UGT1A7: variants seen among roughly 807,000 people sequenced by gnomAD.
The protein encoded by UGT1A7 is UDP glucuronosyltransferase family 1 member A7.
UGT1A7 carries 33 observed loss-of-function variants against 45.6 expected under a neutral mutation model. The ratio of observed to expected loss-of-function variants is 0.72; its 90% CI spans 0.55 to 0.97. The LOEUF (loss-of-function observed/expected upper bound fraction) is 0.97, where lower values mean the gene tolerates loss of function less well. Ranked by LOEUF, UGT1A7 falls within the 50% of genes least tolerant of loss-of-function variation. The pLI is 0.00. For missense variants in UGT1A7, 684 were observed against 666.2 expected (o/e 1.03, Z -0.29); for synonymous variants, 274 against 250.6 (o/e 1.09, Z -0.88).
chr2:233,720,530 C>T (rs753695655), intron 1 of UGT1A7, among the ~76,000 whole-genome samples: 4 of 152,090 alleles, frequency 2.6e-5, no homozygotes, highest in Non-Finnish European at 5.9e-5. Context: ...TCACCAAACT[C>T]ACCCTATCCC....
chr2:233,682,586 C>A lies in UGT1A7; in HGVS notation c.649C>A (p.His217Asn). The A allele has an allele frequency of 1.9e-6, 3 of 1,613,922 alleles. No individual in the cohort carries two copies. The highest frequency in any genetic ancestry group is 2.5e-6 in the Non-Finnish European group (3 of 1,179,838). ...GAACCACATCATGCACTTGGAGGAACATTTATTTTGCCCCTATTTTTTCAA... is the reference window on the plus strand; with the variant it reads ...GAACCACATCATGCACTTGGAGGAAAATTTATTTTGCCCCTATTTTTTCAA... Reference protein sequence around the residue: ...VWNHIMHLEEHLFCPYFFKNV... With the variant: ...VWNHIMHLEENLFCPYFFKNV... Residue 217 changes from histidine (H) to asparagine (N), a missense_variant, in exon 1 of 5, where the codon CAT becomes AAT. Coordinates refer to ENST00000373426, the MANE Select transcript of UGT1A7 (RefSeq NM_019077.3).
intron 1 of UGT1A7, among the ~76,000 whole-genome samples, chr2:233,725,055 CGCGCGCCT>C (rs1021966862): frequency 1.4e-5 from 2 of 147,410 alleles, no homozygotes; most frequent in African/African-American, 5.1e-5. Flanking sequence ...GGCGTGGCGG[CGCGCGCCT>C]GCAATCGCAG....
intron 1 of UGT1A7, chr2:233,721,896 G>A (rs1237120239): frequency 1.5e-5 from 7 of 474,202 alleles, no homozygotes; most frequent in South Asian, 3.1e-5. Context: ...TTGCAATATC[G>A]AAATGGTGCA....
In UGT1A7 at chr2:233,748,516, C is replaced by T. The variant is rs60390282; in HGVS notation, c.856-18518C>T. On this transcript the variant is annotated intron_variant, in intron 1 of 4. Transcript: ENST00000373426. ...GATAATTTTTAGTGGTCCTGTCTTGCGAATGATAGAGAGGTGACCACAGGA... is the reference window on the plus strand; with the variant it reads ...GATAATTTTTAGTGGTCCTGTCTTGTGAATGATAGAGAGGTGACCACAGGA... Among the ~76,000 whole-genome samples, 169 of 151,786 alleles carry T rather than the reference C, an allele frequency of 1.1e-3. 1 individual carries two copies. Among genetic ancestry groups the T allele is most frequent in the African/African-American group, 4.1e-3 (168 of 41,150 alleles).
intron 1 of UGT1A7, chr2:233,729,645 G>T (rs752981175): frequency 8.7e-6 from 14 of 1,613,504 alleles, no homozygotes; most frequent in Non-Finnish European, 1.2e-5. Flanking sequence ...TGTTTTTTTT[G>T]AGGAACATTC....
intron 1 of UGT1A7, among the ~76,000 whole-genome samples, chr2:233,761,780 C>T (rs762414530): frequency 3.3e-5 from 5 of 152,172 alleles, no homozygotes; most frequent in African/African-American, 9.7e-5. Flanking sequence ...ACATCCTCAT[C>T]GAAATCTCAG....
intron 1 of UGT1A7, chr2:233,747,278 C>T (rs925407656): frequency 6.3e-6 from 10 of 1,599,168 alleles, no homozygotes; most frequent in Non-Finnish European, 8.5e-6. Flanking sequence ...CTTCTCAGTG[C>T]CCAGCCCTGG....
At chr2:233,726,820 G>A (rs956550712) in intron 1 of UGT1A7, among the ~76,000 whole-genome samples, 1 of 151,954 alleles carries the variant, frequency 6.6e-6, no homozygotes, top group African/African-American at 2.4e-5. Flanking sequence ...TCCTCTATTC[G>A]ACCATTTAAA....
chr2:233,768,435 A>G lies in UGT1A7; in HGVS notation c.1291A>G (p.Lys431Glu), dbSNP rs1699610425. Residue 431 changes from lysine to glutamate, a missense_variant, in exon 4 of 5, where the codon AAA becomes GAA. Physicochemically the swap from Lys to Glu is moderately conservative, Grantham distance 56. Transcript: ENST00000373426. ...ENALKAVINDKSYKENIMRLS... is the reference protein window; with the variant it reads ...ENALKAVINDESYKENIMRLS... ...TGCTCTAAAAGCAGTCATCAATGAC[A>G]AAAGGTAAGAAAGAAGATACAGAAG... 1.2e-6 allele frequency: 2 copies of G among 1,613,666 alleles called. No individual in the cohort carries two copies. The highest frequency in any genetic ancestry group is 1.7e-6 in the Non-Finnish European group (2 of 1,179,762).
At chr2:233,721,843 C>A (rs2076975309) in intron 1 of UGT1A7, 2 of 515,272 alleles carry the variant, frequency 3.9e-6, no homozygotes, top group Non-Finnish European at 3.9e-6. Context: ...ACCTTGTGTC[C>A]AGCCCCACTG....
At position 233,718,085 on chromosome 2, in the gene UGT1A7, C is replaced by A. The variant is rs557969051; in HGVS notation, c.855+35293C>A. The A allele has an allele frequency of 1.6e-4, 55 of 337,650 alleles. 1 individual carries two copies. The East Asian group carries it at 4.0e-3, about 25-fold the overall frequency. 20.9% of individuals were successfully genotyped at this position (337,650 alleles called of 1,614,324 possible). On this transcript the variant is annotated intron_variant, in intron 1 of 4. Transcript: ENST00000373426. ...TGGGTCCTTGCTAGGGTTGTCTTGC[C>A]CATGTGTGCTTTAGACAGCAGCACC...
intron 1 of UGT1A7, among the ~76,000 whole-genome samples, chr2:233,706,537 CT>C (rs968038091): frequency 9.9e-5 from 15 of 152,128 alleles, no homozygotes; most frequent in Non-Finnish European, 2.1e-4. Flanking sequence ...AGAAACACAG[CT>C]TTTTTTCTAG....
intron 1 of UGT1A7, among the ~76,000 whole-genome samples, chr2:233,689,179 T>A (rs10179094): frequency 0.34 from 51,681 of 152,064 alleles, 9,200 homozygotes; most frequent in South Asian, 0.41. Flanking sequence ...CTAGGACAGG[T>A]GCCCCTGGAA....
chr2:233,706,252 G>A (rs2075898145), intron 1 of UGT1A7, among the ~76,000 whole-genome samples: 1 of 152,200 alleles, frequency 6.6e-6, no homozygotes, highest in African/African-American at 2.4e-5. Flanking sequence ...AGAGAACCAG[G>A]GCAGCTGGAT....
chr2:233,772,512 G>A lies in UGT1A7; in HGVS notation c.1546G>A (p.Gly516Arg), dbSNP rs1553624227. The change falls in exon 5 of 5, where the codon GGG becomes AGG. Residue 516 changes from glycine (G) to arginine (R), a missense_variant. By Grantham distance (125) the Gly-to-Arg change is moderately radical. Coordinates refer to ENST00000373426, the MANE Select transcript of UGT1A7 (RefSeq NM_019077.3). ...CCAYGYRKCL[G>R]KKGRVKKAHK... ...TGCTTATGGCTACCGGAAATGCTTG[G>A]GGAAAAAAGGGCGAGTTAAGAAAGC... 6.2e-7 allele frequency: 1 copy of A among 1,614,116 alleles called. No individual in the cohort carries two copies. The highest frequency in any genetic ancestry group is 8.5e-7 in the Non-Finnish European group (1 of 1,180,014).
chr2:233,743,432 G>A (rs779473501), intron 1 of UGT1A7: 7 of 1,356,042 alleles, frequency 5.2e-6, no homozygotes, highest in South Asian at 2.3e-5. Flanking sequence ...CCAAAGGAAC[G>A]AAATCCTGTA....
intron 1 of UGT1A7, among the ~76,000 whole-genome samples, chr2:233,722,492 T>G (rs1349668885): frequency 6.6e-6 from 1 of 152,244 alleles, no homozygotes; most frequent in African/African-American, 2.4e-5. Context: ...ACTGTTTCAT[T>G]TTCCGTTTCG....
At chr2:233,699,966 C>T (rs952923165) in intron 1 of UGT1A7, among the ~76,000 whole-genome samples, 4 of 152,164 alleles carry the variant, frequency 2.6e-5, no homozygotes, top group Middle Eastern at 3.2e-3. Flanking sequence ...AAATACCCGT[C>T]CCCCAACTCC....
intron 1 of UGT1A7, chr2:233,743,409 A>G: frequency 7.6e-7 from 1 of 1,312,950 alleles, no homozygotes; most frequent in Non-Finnish European, 1.0e-6. Context: ...AAAGGCCCCC[A>G]CTTCCCAGGG....
Sources: allele counts gnomAD v4.1 joint callset (sites outside exome capture counted in the v4.1 genomes callset), GRCh38; gene constraint gnomAD v4.1.1; transcripts MANE v1.5; gene names NCBI Gene and HGNC (gene_info 2026-07-23, HGNC 2026-07-21).